NEDD4L: variants seen among roughly 807,000 people sequenced by gnomAD.
The protein encoded by NEDD4L is NEDD4 like E3 ubiquitin protein ligase.
In NEDD4L, 54 loss-of-function variants were observed where a neutral mutation model predicts 148.9. The observed-to-expected ratio is 0.36, with a 90% CI of 0.29 to 0.45. NEDD4L has a LOEUF of 0.45. Ranked by LOEUF, NEDD4L falls within the 20% of genes least tolerant of loss-of-function variation. The pLI is 1.00. For missense variants in NEDD4L, 856 were observed against 1,233.8 expected, an observed-to-expected ratio of 0.69 and a Z score of 4.59; for synonymous variants, 433 against 440.7, an observed-to-expected ratio of 0.98 and a Z score of 0.22.
At chr18:58,326,806 G>A (rs73959606) in intron 9 of NEDD4L, among the ~76,000 whole-genome samples, 67 of 152,272 alleles carry the variant, frequency 4.4e-4, no homozygotes, top group African/African-American at 1.5e-3. Flanking sequence ...GGACAAATAG[G>A]GATAATTGCT....
chr18:58,382,522 G>GA (rs1453073008), intron 24 of NEDD4L, among the ~76,000 whole-genome samples: 5 of 152,010 alleles, frequency 3.3e-5, no homozygotes, highest in Admixed American at 6.5e-5. Flanking sequence ...TCTACAATGA[G>GA]AAAAAAACAT....
intron 1 of NEDD4L, among the ~76,000 whole-genome samples, chr18:58,137,588 C>T (rs905468890): frequency 3.3e-5 from 5 of 152,274 alleles, no homozygotes; most frequent in South Asian, 4.1e-4. Context: ...TGGAGGCAGC[C>T]GCTTCCACCT....
chr18:58,130,971 G>A (rs539027774), intron 1 of NEDD4L, among the ~76,000 whole-genome samples: 188 of 127,684 alleles, frequency 1.5e-3, no homozygotes, highest in African/African-American at 4.9e-3. Flanking sequence ...GAACTGTGGT[G>A]GTGTTGGGCT....
At chr18:58,084,280 T>C (rs890732816) in intron 1 of NEDD4L, among the ~76,000 whole-genome samples, 4 of 152,170 alleles carry the variant, frequency 2.6e-5, no homozygotes, top group African/African-American at 9.7e-5. Context: ...TAACTGCTAA[T>C]GGGTACAGGA....
At chr18:58,202,595 C>T (rs1295240639) in intron 2 of NEDD4L, among the ~76,000 whole-genome samples, 1 of 152,228 alleles carries the variant, frequency 6.6e-6, no homozygotes, top group African/African-American at 2.4e-5. Context: ...CGTGGATTTG[C>T]ACTTCCTCCT....
intron 5 of NEDD4L, among the ~76,000 whole-genome samples, chr18:58,292,764 A>G (rs2054956119): frequency 6.6e-6 from 1 of 152,230 alleles, no homozygotes; most frequent in Admixed American, 6.5e-5. Context: ...ATTATGCATT[A>G]CTTCTTAGTA....
chr18:58,329,121 C>A lies in NEDD4L; in HGVS notation c.807C>A (p.Val269=), dbSNP rs780634748. The A allele has an allele frequency of 1.2e-6, 2 of 1,613,702 alleles. No homozygotes were observed. The highest frequency in any genetic ancestry group is 1.3e-5 in the African/African-American group (1 of 74,956). Reference sequence around the variant, plus strand: ...CCGAGCCCTCGGAGGGCGGGGATGTCCCCGAGGTACGATGTCCCCAGAATG... The same window carrying A: ...CCGAGCCCTCGGAGGGCGGGGATGTACCCGAGGTACGATGTCCCCAGAATG... ...LEPEPSEGGD[V]PEPWETISEE... Residue 269 remains valine, a synonymous_variant, in exon 10 of 31, where the codon GTC becomes GTA. Transcript: ENST00000400345.
intron 5 of NEDD4L, among the ~76,000 whole-genome samples, chr18:58,299,984 A>AC (rs2056242127): frequency 6.6e-6 from 1 of 152,228 alleles, no homozygotes; most frequent in Non-Finnish European, 1.5e-5. Context: ...AAAGAAAAAA[A>AC]CCATAAGAAT....
At chr18:58,255,612 C>T (rs2048419299) in intron 5 of NEDD4L, 1 of 1,232,432 alleles carries the variant, frequency 8.1e-7, no homozygotes, top group Middle Eastern at 3.1e-4. Flanking sequence ...TTGCCGCTTG[C>T]CCTAGCCCTC....
At chr18:58,100,433 A>G (rs1266202318) in intron 1 of NEDD4L, among the ~76,000 whole-genome samples, 1 of 152,226 alleles carries the variant, frequency 6.6e-6, no homozygotes, top group African/African-American at 2.4e-5. Context: ...TGTTTTAGCA[A>G]ACAGATCCAG....
intron 9 of NEDD4L, 52 bp from the exon 10 acceptor site, chr18:58,328,943 C>T (rs1355530474): frequency 6.2e-7 from 1 of 1,609,862 alleles, no homozygotes. Flanking sequence ...TCATGAAGGG[C>T]CCGATCTCAA....
chr18:58,386,588 T>C (rs1005443018), intron 26 of NEDD4L, among the ~76,000 whole-genome samples: 1 of 152,242 alleles, frequency 6.6e-6, no homozygotes, highest in Non-Finnish European at 1.5e-5. Flanking sequence ...GGATTCATCA[T>C]TTTAAACAGT....
At chr18:58,128,744 G>A (rs190878022) in intron 1 of NEDD4L, among the ~76,000 whole-genome samples, 108 of 152,344 alleles carry the variant, frequency 7.1e-4, no homozygotes, top group Middle Eastern at 6.8e-3. Flanking sequence ...CGCTTAATGC[G>A]TTGTGGTTGA....
chr18:58,370,778 T>C (rs1013955625), intron 23 of NEDD4L, among the ~76,000 whole-genome samples: 2 of 152,316 alleles, frequency 1.3e-5, no homozygotes, highest in Admixed American at 6.5e-5. Flanking sequence ...AGCCTGTGTT[T>C]TCTATAAAAA....
chr18:58,156,450 A>G (rs1301951018), intron 1 of NEDD4L, among the ~76,000 whole-genome samples: 1 of 152,212 alleles, frequency 6.6e-6, no homozygotes, highest in Non-Finnish European at 1.5e-5. Flanking sequence ...GTCTTAGAGA[A>G]GTTACATGCA....
chr18:58,221,093 T>C (rs1040043621), intron 2 of NEDD4L, among the ~76,000 whole-genome samples: 2 of 152,220 alleles, frequency 1.3e-5, no homozygotes, highest in Non-Finnish European at 2.9e-5. Context: ...CCTGTTTTTT[T>C]CCCCTCTTCA....
chr18:58,069,951 GC>G (rs767632637), intron 1 of NEDD4L, among the ~76,000 whole-genome samples: 136 of 152,256 alleles, frequency 8.9e-4, no homozygotes, highest in Non-Finnish European at 1.5e-3. Context: ...CAGCCTCACA[GC>G]CATGGCAGCT....
At chr18:58,057,047 T>C (rs1412100139) in intron 1 of NEDD4L, among the ~76,000 whole-genome samples, 1 of 152,084 alleles carries the variant, frequency 6.6e-6, no homozygotes, top group African/African-American at 2.4e-5. Flanking sequence ...AAGGAGGAGA[T>C]AGAATTACCT....
At chr18:58,369,052 G>A (rs150795674) in intron 22 of NEDD4L, among the ~76,000 whole-genome samples, 199 of 152,252 alleles carry the variant, frequency 1.3e-3, no homozygotes, top group South Asian at 8.3e-3. Flanking sequence ...ATATTTTAGC[G>A]GGGGGAAAAG....
Sources: allele counts gnomAD v4.1 joint callset (sites outside exome capture counted in the v4.1 genomes callset), GRCh38; gene constraint gnomAD v4.1.1; transcripts MANE v1.5; gene names NCBI Gene and HGNC (gene_info 2026-07-23, HGNC 2026-07-21).